Variants in CHRM2 observed in about 807,000 individuals in gnomAD.
CHRM2 encodes cholinergic receptor muscarinic 2, also known as muscarinic acetylcholine receptor M2.
A neutral mutation model predicts 25.0 loss-of-function variants in CHRM2; 8 were observed. The observed-to-expected ratio is 0.32, with a 90% CI of 0.19 to 0.58. The LOEUF is 0.58. Among genes scored for constraint, CHRM2 ranks in the 20% least tolerant of loss-of-function variants. CHRM2 has a pLI of 0.88. For synonymous variants in CHRM2, 202 were observed against 205.7 expected, an observed-to-expected ratio of 0.98 and a Z score of 0.15; for missense variants, 440 against 567.1, an observed-to-expected ratio of 0.78 and a Z score of 2.28.
intron 2 of CHRM2, among the ~76,000 whole-genome samples, chr7:136,890,814 G>GGTGTATGTGTTTATATATGTGT (rs1458706917): frequency 2.0e-5 from 3 of 151,922 alleles, no homozygotes; most frequent in Non-Finnish European, 4.4e-5. Flanking sequence ...TGTGTATATG[G>GGTGTATGTGTTTATATATGTGT]GTGTATGTGT....
intron 2 of CHRM2, among the ~76,000 whole-genome samples, chr7:136,942,008 G>A (rs531149370): frequency 6.6e-6 from 1 of 152,156 alleles, no homozygotes; most frequent in African/African-American, 2.4e-5. Flanking sequence ...TGCTTGTGAG[G>A]TTTTATGAAA....
chr7:136,897,116 G>GGTA (rs1796941075), intron 2 of CHRM2, among the ~76,000 whole-genome samples: 1 of 149,932 alleles, frequency 6.7e-6, no homozygotes, highest in Non-Finnish European at 1.5e-5. Context: ...TGGTGGTGGT[G>GGTA]GTAGTAGGTT....
At chr7:136,952,102 C>T (rs561052701) in intron 2 of CHRM2, among the ~76,000 whole-genome samples, 1 of 152,172 alleles carries the variant, frequency 6.6e-6, no homozygotes, top group East Asian at 1.9e-4. Flanking sequence ...GGTCCCACTT[C>T]GACAAGGGCA....
At chr7:136,936,985 G>T (rs115797308) in intron 2 of CHRM2, among the ~76,000 whole-genome samples, 111 of 152,184 alleles carry the variant, frequency 7.3e-4, no homozygotes, top group African/African-American at 2.6e-3. Context: ...CAAACCATTT[G>T]TATCAAACTA....
chr7:137,002,312 C>T (rs1243430495), intron 3 of CHRM2, among the ~76,000 whole-genome samples: 1 of 152,150 alleles, frequency 6.6e-6, no homozygotes, highest in African/African-American at 2.4e-5. Flanking sequence ...ATGCTCTAAG[C>T]ACTCAAATTT....
intron 2 of CHRM2, among the ~76,000 whole-genome samples, chr7:136,964,824 C>T (rs1215632347): frequency 6.6e-6 from 1 of 152,110 alleles, no homozygotes. Flanking sequence ...AAAATAATTG[C>T]TAGCAGTTTA....
At chr7:137,001,209 T>TC (rs977376446) in intron 3 of CHRM2, among the ~76,000 whole-genome samples, 4 of 151,998 alleles carry the variant, frequency 2.6e-5, no homozygotes, top group African/African-American at 9.7e-5. Context: ...TACTTCCTCC[T>TC]CCCCCCTCAG....
chr7:136,980,119 C>T (rs1378136132), intron 2 of CHRM2, among the ~76,000 whole-genome samples: 1 of 152,018 alleles, frequency 6.6e-6, no homozygotes, highest in African/African-American at 2.4e-5. Context: ...CTCTTACCTC[C>T]TTGAGCAGTG....
intron 2 of CHRM2, among the ~76,000 whole-genome samples, chr7:136,974,915 T>C (rs1378619422): frequency 6.6e-6 from 1 of 152,014 alleles, no homozygotes; most frequent in Admixed American, 6.5e-5. Context: ...ACTAATATAG[T>C]GATGGTAGTA....
intron 2 of CHRM2, among the ~76,000 whole-genome samples, chr7:136,955,456 G>A (rs532993083): frequency 1.3e-5 from 2 of 152,214 alleles, no homozygotes; most frequent in South Asian, 4.1e-4. Context: ...AATTCTAATA[G>A]TAGAATAAGA....
At chr7:136,949,602 T>C (rs1026537337) in intron 2 of CHRM2, among the ~76,000 whole-genome samples, 3 of 152,234 alleles carry the variant, frequency 2.0e-5, no homozygotes, top group South Asian at 2.1e-4. Flanking sequence ...CATTCCAGCC[T>C]GGGTGATAGA....
intron 2 of CHRM2, chr7:136,907,102 C>G (rs1346012657): frequency 2.0e-5 from 3 of 151,854 alleles, no homozygotes; most frequent in Non-Finnish European, 2.9e-5. Context: ...GCTGATCTAA[C>G]AGGAGGTGAA....
At chr7:136,979,806 T>C (rs1350038450) in intron 2 of CHRM2, among the ~76,000 whole-genome samples, 1 of 152,212 alleles carries the variant, frequency 6.6e-6, no homozygotes, top group East Asian at 1.9e-4. Flanking sequence ...TTGGTCTATA[T>C]ATCTGTTTTG....
At chr7:136,977,489 A>G (rs1563102793) in intron 2 of CHRM2, among the ~76,000 whole-genome samples, 2 of 152,346 alleles carry the variant, frequency 1.3e-5, no homozygotes, top group Admixed American at 1.3e-4. Context: ...GTAAAAAGAA[A>G]TGAATAAGTT....
At chr7:136,919,241 G>T (rs560775071) in intron 2 of CHRM2, among the ~76,000 whole-genome samples, 4 of 152,038 alleles carry the variant, frequency 2.6e-5, no homozygotes, top group African/African-American at 7.2e-5. Flanking sequence ...GTGGTGGTAT[G>T]CACTTTTAAA....
intron 3 of CHRM2, among the ~76,000 whole-genome samples, chr7:137,014,408 C>G (rs1199703316): frequency 1.3e-5 from 2 of 151,918 alleles, no homozygotes; most frequent in African/African-American, 2.4e-5. Flanking sequence ...ATAATTGTGT[C>G]CTCTCACTAA....
chr7:136,935,103 A>G (rs1394382332), intron 2 of CHRM2, among the ~76,000 whole-genome samples: 1 of 152,168 alleles, frequency 6.6e-6, no homozygotes, highest in Non-Finnish European at 1.5e-5. Context: ...TAAAATAAAC[A>G]AAGTCTAAAA....
intron 2 of CHRM2, among the ~76,000 whole-genome samples, chr7:136,930,363 GCATC>G (rs1200436150): frequency 6.6e-6 from 1 of 151,952 alleles, no homozygotes; most frequent in Non-Finnish European, 1.5e-5. Context: ...GTTTCAAAAA[GCATC>G]TTACATGTCT....
At chr7:136,903,962 T>C (rs908509099) in intron 2 of CHRM2, among the ~76,000 whole-genome samples, 2 of 151,936 alleles carry the variant, frequency 1.3e-5, no homozygotes, top group African/African-American at 4.8e-5. Flanking sequence ...TTATTTGTTT[T>C]CCTGATACTA....
Sources: allele counts gnomAD v4.1 joint callset (sites outside exome capture counted in the v4.1 genomes callset), GRCh38; gene constraint gnomAD v4.1.1; transcripts MANE v1.5; gene names NCBI Gene and HGNC (gene_info 2026-07-23, HGNC 2026-07-21).